Variants in ATXN7 observed in about 807,000 individuals in gnomAD.
The protein encoded by ATXN7 is ataxin 7.
ATXN7 carries 12 observed loss-of-function variants against 70.5 expected under a neutral mutation model. The ratio of observed to expected loss-of-function variants is 0.17; its 90% CI spans 0.11 to 0.28. ATXN7 has a LOEUF of 0.28. Ranked by LOEUF, ATXN7 falls within the 10% of genes least tolerant of loss-of-function variation. The pLI is 1.00. For missense variants in ATXN7, 1,256 were observed against 1,131.7 expected (o/e 1.11, Z -1.58); for synonymous variants, 498 against 448.7 (o/e 1.11, Z -1.39).
chr3:63,997,969 T>C (rs990952268), intron 12 of ATXN7: 53 of 985,276 alleles, frequency 5.4e-5, no homozygotes, highest in Non-Finnish European at 5.8e-5. Context: ...TGCTTTTCCT[T>C]CTTGGTTTGT....
intron 1 of ATXN7, chr3:63,866,957 TG>T (rs1031807037): frequency 6.7e-6 from 1 of 150,048 alleles, no homozygotes; most frequent in African/African-American, 2.5e-5. Flanking sequence ...ATAAGATTTC[TG>T]GGTTTTTTTT....
intron 10 of ATXN7, 131 bp from the exon 11 acceptor site, chr3:63,990,607 G>A (rs2075654833): frequency 7.0e-7 from 1 of 1,435,390 alleles, no homozygotes; most frequent in Non-Finnish European, 9.6e-7. Context: ...TCACTCTCAT[G>A]CTTCACAGCC....
At chr3:63,962,908 C>CTATTTT (rs1553691654) in intron 5 of ATXN7, among the ~76,000 whole-genome samples, 20 of 136,332 alleles carry the variant, frequency 1.5e-4, no homozygotes, top group East Asian at 8.4e-4. Flanking sequence ...TTTTGTATTT[C>CTATTTT]TTTTTTTTTT....
chr3:63,996,494 G>A lies in ATXN7; in HGVS notation c.2661+11G>A. On this transcript the variant is annotated intron_variant, in intron 12 of 12. Transcript: ENST00000674280. ...TCCCTCCTTCATCAGGTAGGAAATGGACTGTGAGCCCCATGGGAATGCCCA... is the reference window on the plus strand; with the variant it reads ...TCCCTCCTTCATCAGGTAGGAAATGAACTGTGAGCCCCATGGGAATGCCCA... 6.2e-7 allele frequency: 1 copy of A among 1,612,716 alleles called. No individual in the cohort carries two copies. The highest frequency in any genetic ancestry group is 1.1e-5 in the South Asian group (1 of 90,988).
intron 5 of ATXN7, among the ~76,000 whole-genome samples, chr3:63,955,319 T>G (rs1292952513): frequency 6.6e-6 from 1 of 152,092 alleles, no homozygotes; most frequent in African/African-American, 2.4e-5. Flanking sequence ...AGAGAGGGAT[T>G]CTGCTGGGAA....
chr3:63,988,564 C>G, intron 9 of ATXN7: 1 of 506,442 alleles, frequency 2.0e-6, no homozygotes. Context: ...CTGCTCTATA[C>G]TTGCTGAACA....
intron 4 of ATXN7, among the ~76,000 whole-genome samples, chr3:63,935,362 T>A (rs1472929708): frequency 6.6e-6 from 1 of 152,174 alleles, no homozygotes; most frequent in African/African-American, 2.4e-5. Flanking sequence ...TATAGTCTTA[T>A]TTCCAAGATG....
At chr3:63,996,785 T>C in intron 12 of ATXN7, 1 of 409,454 alleles carries the variant, frequency 2.4e-6, no homozygotes, top group Non-Finnish European at 4.4e-6. Context: ...AAATCATAAT[T>C]GGAGGGTAGC....
intron 12 of ATXN7, chr3:63,997,476 A>G: frequency 1.5e-6 from 1 of 661,446 alleles, no homozygotes; most frequent in East Asian, 2.7e-5. Context: ...GGGATTCATA[A>G]TTAACCATGA....
chr3:63,930,216 G>C (rs894986024), intron 4 of ATXN7, among the ~76,000 whole-genome samples: 1 of 152,072 alleles, frequency 6.6e-6, no homozygotes, highest in African/African-American at 2.4e-5. Flanking sequence ...GATTTTCCTT[G>C]CATTTTAAAA....
At chr3:63,997,989 T>C (rs1292015369) in intron 12 of ATXN7, 1 of 985,280 alleles carries the variant, frequency 1.0e-6, no homozygotes. Context: ...TAGTTACTCA[T>C]TACAGTTTAT....
intron 4 of ATXN7, among the ~76,000 whole-genome samples, chr3:63,932,132 A>G (rs1457899953): frequency 1.3e-5 from 2 of 152,182 alleles, no homozygotes; most frequent in African/African-American, 4.8e-5. Flanking sequence ...ACAAATTTCC[A>G]TTATTATTTT....
intron 4 of ATXN7, among the ~76,000 whole-genome samples, chr3:63,942,392 G>C (rs1004629705): frequency 6.6e-6 from 1 of 152,100 alleles, no homozygotes; most frequent in African/African-American, 2.4e-5. Context: ...TTAATACTTA[G>C]CATTGTACGT....
chr3:63,865,922 A>G (rs1031287788), intron 1 of ATXN7, among the ~76,000 whole-genome samples: 33 of 149,688 alleles, frequency 2.2e-4, no homozygotes, highest in Non-Finnish European at 3.3e-4. Flanking sequence ...AAAAAAAAAA[A>G]AAAGAAAGTA....
rs1448611567 is a variant in ATXN7, at chr3:63,982,410, C to A, written c.977C>A (p.Ser326Tyr). ...CTGGAAAAGAAACCTGAAGACAATT[C>A]CAATAATAGGAAATTTTTAAATAAG... ...PTLEKKPEDNSNNRKFLNKRL... is the reference protein window; with the variant it reads ...PTLEKKPEDNYNNRKFLNKRL... Residue 326 changes from serine to tyrosine, a missense_variant, in exon 7 of 13, where the codon TCC becomes TAC. Coordinates refer to ENST00000674280, the MANE Select transcript of ATXN7 (RefSeq NM_001377405.1). 1 of 1,611,584 alleles carries A rather than the reference C, an allele frequency of 6.2e-7. No homozygotes were observed. Among genetic ancestry groups the A allele is most frequent in the Admixed American group, 1.7e-5 (1 of 59,910 alleles).
At chr3:63,993,640 C>G (rs1267698561) in intron 11 of ATXN7, among the ~76,000 whole-genome samples, 2 of 152,248 alleles carry the variant, frequency 1.3e-5, no homozygotes, top group East Asian at 3.9e-4. Context: ...TCTTTATACA[C>G]AAAAGAGTAA....
At chr3:63,927,551 C>T (rs574024607) in intron 4 of ATXN7, among the ~76,000 whole-genome samples, 1 of 152,266 alleles carries the variant, frequency 6.6e-6, no homozygotes, top group African/African-American at 2.4e-5. Flanking sequence ...TTCCAGTGTC[C>T]TGGTATTCTT....
At chr3:63,954,980 A>G (rs566312384) in intron 5 of ATXN7, among the ~76,000 whole-genome samples, 2 of 152,176 alleles carry the variant, frequency 1.3e-5, no homozygotes, top group African/African-American at 4.8e-5. Flanking sequence ...AAGTACAGGG[A>G]ATATAGGCAT....
intron 5 of ATXN7, among the ~76,000 whole-genome samples, chr3:63,971,474 G>C (rs1420817345): frequency 2.0e-5 from 3 of 152,212 alleles, no homozygotes; most frequent in Admixed American, 6.5e-5. Context: ...GGACTACAAA[G>C]AGTGGATGGA....
Sources: gnomAD v4.1 joint callset for allele counts (sites outside exome capture counted in the v4.1 genomes callset) on GRCh38, gnomAD v4.1.1 for gene constraint, MANE v1.5 for transcripts, NCBI Gene and HGNC (gene_info 2026-07-23, HGNC 2026-07-21) for gene names.